Variants in ADARB2 observed in about 807,000 individuals in gnomAD.
ADARB2 encodes the protein inactive double-stranded RNA-specific editase B2.
In ADARB2, 25 loss-of-function variants were observed where a neutral mutation model predicts 62.2. The observed-to-expected ratio is 0.40, with a 90% confidence interval of 0.29 to 0.56. ADARB2 has a LOEUF of 0.56. ADARB2 is among the 20% of genes least tolerant of loss of function. The probability of loss-of-function intolerance (pLI) is 0.43; values close to 1 mark genes in which losing one functional copy is unlikely to be tolerated. For missense variants in ADARB2, 1,071 were observed against 1,077.4 expected, an observed-to-expected ratio of 0.99 and a Z score of 0.08; for synonymous variants, 572 against 500.8, an observed-to-expected ratio of 1.14 and a Z score of -1.90.
intron 1 of ADARB2, among the ~76,000 whole-genome samples, chr10:1,600,130 G>A (rs554341503): frequency 4.6e-5 from 7 of 152,250 alleles, no homozygotes; most frequent in African/African-American, 1.7e-4. Context: ...TCACCTGAGG[G>A]TAGGCCACAT....
chr10:1,602,263 C>T (rs1009500083), intron 1 of ADARB2, among the ~76,000 whole-genome samples: 19 of 152,294 alleles, frequency 1.2e-4, no homozygotes, highest in African/African-American at 3.6e-4. Context: ...GTGGAGGAGC[C>T]GCTTCCCGAG....
rs974708747 is a variant in ADARB2 at position 1,222,512 on chromosome 10, T to C, written c.1514-5393A>G. Reference sequence around the variant, plus strand: ...GCCCATGCCAATGTCCTGAATGGTATTGCCTAGATTTTCTTCTAGGGTTTT... The same window carrying C: ...GCCCATGCCAATGTCCTGAATGGTACTGCCTAGATTTTCTTCTAGGGTTTT... On this transcript the variant is annotated intron_variant, in intron 6 of 9. Coordinates refer to ENST00000381312, the MANE Select transcript of ADARB2 (RefSeq NM_018702.4). Among the ~76,000 whole-genome samples the C allele has an allele frequency of 1.6e-4, 24 of 149,734 alleles. 1 individual carries two copies. Among genetic ancestry groups the C allele is most frequent in the African/African-American group, 5.9e-4 (23 of 39,060 alleles).
At chr10:1,618,449 A>G (rs1219828869) in intron 1 of ADARB2, among the ~76,000 whole-genome samples, 1 of 152,246 alleles carries the variant, frequency 6.6e-6, no homozygotes, top group Admixed American at 6.5e-5. Context: ...GAAAATTCTG[A>G]TTATTCAACC....
intron 1 of ADARB2, among the ~76,000 whole-genome samples, chr10:1,450,347 G>A (rs1831021143): frequency 6.6e-6 from 1 of 152,234 alleles, no homozygotes; most frequent in East Asian, 1.9e-4. Flanking sequence ...TCCTGCTGCT[G>A]GAAGGGTGCT....
intron 1 of ADARB2, among the ~76,000 whole-genome samples, chr10:1,613,662 G>A (rs978371492): frequency 6.6e-6 from 1 of 152,234 alleles, no homozygotes; most frequent in Non-Finnish European, 1.5e-5. Flanking sequence ...TTTCCTGGAA[G>A]TTATCTTTTG....
At position 1,363,737 on chromosome 10, in the gene ADARB2, G is replaced by A. The variant is rs780511733; in HGVS notation, c.368C>T (p.Ser123Leu). The change falls in exon 3 of 10, where the codon TCG becomes TTG. Residue 123 changes from serine to leucine, a missense_variant. Physicochemically the swap from Ser to Leu is moderately radical, Grantham distance 145 (BLOSUM62 -2). Coordinates refer to ENST00000381312, the MANE Select transcript of ADARB2 (RefSeq NM_018702.4). ...LQLVWKKLSW[S>L]VAPKNALVQL... ...CACCAGCGCGTTCTTGGGCGCCACC[G>A]ACCACGACAGCTTCTTCCAGACCAG... The A allele has an allele frequency of 1.9e-5, 30 of 1,608,936 alleles. No homozygotes were observed. The highest frequency in any genetic ancestry group is 5.0e-5 in the Admixed American group (3 of 59,986).
intron 1 of ADARB2, among the ~76,000 whole-genome samples, chr10:1,584,245 T>C (rs1833144771): frequency 6.6e-6 from 1 of 152,004 alleles, no homozygotes; most frequent in Non-Finnish European, 1.5e-5. Context: ...AACTCAACAA[T>C]AGAAAAACAA....
Position 1,182,060 on chromosome 10 carries a change from T to G in ADARB2, c.*1133A>C, listed in dbSNP as rs183046821. The G allele has an allele frequency of 2.0e-5, 3 of 152,346 alleles. No individual in the cohort carries two copies. The highest frequency in any genetic ancestry group is 4.4e-5 in the Non-Finnish European group (3 of 68,046). The allele number at this position is 152,346 out of a possible 1,614,324, so 9.4% of individuals were successfully genotyped here. On this transcript the variant is annotated 3_prime_UTR_variant, in exon 10 of 10. Coordinates refer to ENST00000381312, the MANE Select transcript of ADARB2 (RefSeq NM_018702.4). ...CTCTTACATTTTTTGACAGCTGAAC[T>G]TTTTTGGGGTCTTGTCCTGCAAGGT... is the stretch of plus-strand genomic sequence containing the variant.
intron 1 of ADARB2, among the ~76,000 whole-genome samples, chr10:1,606,038 A>G (rs1254711022): frequency 6.6e-6 from 1 of 152,258 alleles, no homozygotes; most frequent in African/African-American, 2.4e-5. Context: ...AGTTTAAAGG[A>G]TGGCATTTAC....
Position 1,637,219 on chromosome 10 carries a change from T to C in ADARB2, c.100+99832A>G, listed in dbSNP as rs76707845. The stretch of plus-strand genomic sequence containing the variant: ...AGCTAACATCAGATACTTGGCAGTT[T>C]ATATTTCTGCCGTGATGATGTAAAT... On this transcript the variant is annotated intron_variant, in intron 1 of 9. Coordinates refer to ENST00000381312, the MANE Select transcript of ADARB2 (RefSeq NM_018702.4). Among the ~76,000 whole-genome samples, 687 of 149,908 alleles carry C rather than the reference T, an allele frequency of 4.6e-3. 5 individuals are homozygous for C. The highest frequency in any genetic ancestry group is 0.016 in the African/African-American group (662 of 41,316).
intron 1 of ADARB2, among the ~76,000 whole-genome samples, chr10:1,481,641 G>A (rs927515506): frequency 6.7e-4 from 2 of 2,984 alleles, no homozygotes; most frequent in African/African-American, 7.0e-4. Flanking sequence ...TGCGGATCAC[G>A]AGGTCAGGAG....
intron 1 of ADARB2, among the ~76,000 whole-genome samples, chr10:1,499,578 C>T (rs1336720501): frequency 6.6e-6 from 1 of 151,862 alleles, no homozygotes; most frequent in Non-Finnish European, 1.5e-5. Context: ...ACTCATCATT[C>T]ATCACCCACC....
At chr10:1,717,155 G>GTTTT (rs1835028919) in intron 1 of ADARB2, among the ~76,000 whole-genome samples, 2 of 53,956 alleles carry the variant, frequency 3.7e-5, no homozygotes, top group African/African-American at 1.4e-4. Flanking sequence ...TTTGTAGTGT[G>GTTTT]CTTTTTTTTT....
At chr10:1,229,537 C>CT (rs1436703059) in intron 6 of ADARB2, among the ~76,000 whole-genome samples, 4 of 152,206 alleles carry the variant, frequency 2.6e-5, no homozygotes, top group African/African-American at 9.6e-5. Flanking sequence ...ATGCCCTACT[C>CT]TGTGTTCCTT....
chr10:1,381,478 G>A (rs533549627), intron 1 of ADARB2, among the ~76,000 whole-genome samples: 78 of 152,362 alleles, frequency 5.1e-4, no homozygotes, highest in African/African-American at 1.8e-3. Context: ...GGGGGAACTG[G>A]CAGTTCTGCC....
At chr10:1,733,634 A>G (rs951783737) in intron 1 of ADARB2, among the ~76,000 whole-genome samples, 1 of 151,602 alleles carries the variant, frequency 6.6e-6, no homozygotes, top group African/African-American at 2.4e-5. Context: ...AACGGATATT[A>G]ACAAAAAAAA....
At chr10:1,498,272 G>A (rs1164901137) in intron 1 of ADARB2, among the ~76,000 whole-genome samples, 1 of 152,066 alleles carries the variant, frequency 6.6e-6, no homozygotes, top group Non-Finnish European at 1.5e-5. Flanking sequence ...TACTTTGGGA[G>A]GCTGAGGCTG....
intron 1 of ADARB2, among the ~76,000 whole-genome samples, chr10:1,583,473 G>C (rs1312432485): frequency 6.6e-6 from 1 of 152,148 alleles, no homozygotes; most frequent in Non-Finnish European, 1.5e-5. Context: ...TACTAAAATA[G>C]ATAATTAGGT....
Position 1,216,861 on chromosome 10 carries a change from C to T in ADARB2, c.1682+90G>A, listed in dbSNP as rs893786463. On this transcript the variant is annotated intron_variant, in intron 7 of 9. Transcript: ENST00000381312. ...GACCGCATGTGCCCAGCATCACTGA[C>T]CTCACCAGAAGTGGGATGCAGGGAG... 16 of 1,503,610 alleles carry T rather than the reference C, an allele frequency of 1.1e-5. No individual in the cohort carries two copies. The African/African-American group carries it at 1.5e-4, about 14-fold the overall frequency. The allele number at this position is 1,503,610 out of a possible 1,614,324, so 93.1% of individuals were successfully genotyped here.
Sources: allele counts gnomAD v4.1 joint callset (sites outside exome capture counted in the v4.1 genomes callset), GRCh38; gene constraint gnomAD v4.1.1; transcripts MANE v1.5; gene names NCBI Gene and HGNC (gene_info 2026-07-23, HGNC 2026-07-21).